Variants in ELAVL4 observed in about 807,000 individuals in gnomAD.
ELAVL4 encodes ELAV-like protein 4.
In ELAVL4, 1 loss-of-function variant was observed where a neutral mutation model predicts 35.6. That is an observed-to-expected ratio of 0.03 (90% CI 0.01 to 0.13). The LOEUF (loss-of-function observed/expected upper bound fraction) is 0.13. ELAVL4 is among the 10% of genes least tolerant of loss of function. The pLI is 1.00. For missense variants in ELAVL4, 267 were observed against 464.9 expected, an observed-to-expected ratio of 0.57 and a Z score of 3.91; for synonymous variants, 156 against 171.0, an observed-to-expected ratio of 0.91 and a Z score of 0.69.
In ELAVL4 at chr1:50,156,869, A is replaced by T. The variant is rs567733732; in HGVS notation, c.250+11672A>T. ...TGAATGTGGCTGTACATTGTATTCC[A>T]GTAAACCTCAGGAATAGCTGCAGAA... is the stretch of plus-strand genomic sequence containing the variant. On this transcript the variant is annotated intron_variant, in intron 2 of 6. Transcript: ENST00000371824. 1.4e-3 allele frequency among the ~76,000 whole-genome samples: 212 copies of T among 152,326 alleles called. 1 individual carries two copies. In the Middle Eastern group the frequency reaches 0.017, roughly 12 times the overall value.
chr1:50,104,310 G>T (rs1666145541), upstream of ELAVL4, among the ~76,000 whole-genome samples: 1 of 152,090 alleles, frequency 6.6e-6, no homozygotes, highest in Non-Finnish European at 1.5e-5. Flanking sequence ...TATTTACTAG[G>T]CTGATTACAT....
intron 1 of ELAVL4, among the ~76,000 whole-genome samples, chr1:50,132,075 A>G (rs1383754193): frequency 6.6e-6 from 1 of 152,088 alleles, no homozygotes; most frequent in Non-Finnish European, 1.5e-5. Context: ...GTATTCCGAT[A>G]CTTGTGATTT....
intron 2 of ELAVL4, among the ~76,000 whole-genome samples, chr1:50,159,108 T>C (rs1676293979): frequency 6.6e-6 from 1 of 151,986 alleles, no homozygotes; most frequent in Non-Finnish European, 1.5e-5. Flanking sequence ...AGGATTGTTA[T>C]TTCAGGAACT....
At chr1:50,089,855 G>A (rs1329190120) in intron 1 of ELAVL4, among the ~76,000 whole-genome samples, 1 of 152,204 alleles carries the variant, frequency 6.6e-6, no homozygotes, top group African/African-American at 2.4e-5. Flanking sequence ...ATACCATCAG[G>A]GGTGGGAAGG....
chr1:50,198,561 A>G (rs1644204033), intron 6 of ELAVL4, among the ~76,000 whole-genome samples: 1 of 152,210 alleles, frequency 6.6e-6, no homozygotes. Context: ...CAATCCCAGC[A>G]TCAATGAGGA....
At chr1:50,155,883 C>G (rs965219840) in intron 2 of ELAVL4, among the ~76,000 whole-genome samples, 2 of 152,204 alleles carry the variant, frequency 1.3e-5, no homozygotes, top group Non-Finnish European at 2.9e-5. Flanking sequence ...ACCACCTTTG[C>G]TCTTCCCAGT....
At chr1:50,048,121 C>T in exon 1 of ELAVL4, 1 of 1,500,370 alleles carries the variant, frequency 6.7e-7, no homozygotes, top group South Asian at 1.3e-5. Context: ...CGCTCCGCCC[C>T]ACCCAGCCTC....
At chr1:50,188,177 T>C (rs941302236) in intron 3 of ELAVL4, among the ~76,000 whole-genome samples, 7 of 152,184 alleles carry the variant, frequency 4.6e-5, no homozygotes, top group Non-Finnish European at 1.0e-4. Flanking sequence ...AATGTATACA[T>C]TGAATGGTCG....
At chr1:50,161,322 G>A (rs976936993) in intron 2 of ELAVL4, among the ~76,000 whole-genome samples, 2 of 151,838 alleles carry the variant, frequency 1.3e-5, no homozygotes, top group African/African-American at 4.8e-5. Flanking sequence ...AGAATATTCT[G>A]AACATAATTT....
intron 1 of ELAVL4, among the ~76,000 whole-genome samples, chr1:50,127,002 C>T (rs938730081): frequency 6.6e-6 from 1 of 151,944 alleles, no homozygotes; most frequent in Admixed American, 6.6e-5. Context: ...TTGATGGCTA[C>T]ACTCATCTAA....
At chr1:50,114,295 A>G (rs1196922145) in intron 1 of ELAVL4, among the ~76,000 whole-genome samples, 1 of 152,066 alleles carries the variant, frequency 6.6e-6, no homozygotes, top group Non-Finnish European at 1.5e-5. Context: ...AGTCTTTACC[A>G]TTGGTAAAAA....
At chr1:50,093,156 A>C (rs944292737) in intron 1 of ELAVL4, among the ~76,000 whole-genome samples, 17 of 152,204 alleles carry the variant, frequency 1.1e-4, no homozygotes, top group Non-Finnish European at 2.4e-4. Flanking sequence ...AGACAGAGAG[A>C]GAATAGCTTG....
upstream of ELAVL4, chr1:50,104,052 G>A: frequency 6.2e-7 from 1 of 1,601,854 alleles, no homozygotes. Context: ...ACCGTCAATG[G>A]GTGGTATTGA....
intron 3 of ELAVL4, among the ~76,000 whole-genome samples, chr1:50,191,030 A>G (rs1358425422): frequency 6.6e-6 from 1 of 152,164 alleles, no homozygotes; most frequent in Non-Finnish European, 1.5e-5. Context: ...AGTCACACTC[A>G]TATGTATCCC....
intron 1 of ELAVL4, among the ~76,000 whole-genome samples, chr1:50,096,955 C>T (rs1280042256): frequency 6.6e-6 from 1 of 152,174 alleles, no homozygotes; most frequent in Non-Finnish European, 1.5e-5. Flanking sequence ...GTGGTGCATG[C>T]CTGTAATCCC....
chr1:50,084,336 TAA>T (rs1442991073), intron 1 of ELAVL4, among the ~76,000 whole-genome samples: 4 of 152,320 alleles, frequency 2.6e-5, no homozygotes, highest in Non-Finnish European at 5.9e-5. Context: ...TTAGAAAGGT[TAA>T]ATAATTGTCC....
chr1:50,142,888 A>T (rs1226530527), intron 1 of ELAVL4, among the ~76,000 whole-genome samples: 3 of 152,212 alleles, frequency 2.0e-5, no homozygotes, highest in Admixed American at 1.3e-4. Flanking sequence ...CAGATAAATA[A>T]AATGTAATAT....
At chr1:50,096,672 T>C (rs1278474242) in intron 1 of ELAVL4, among the ~76,000 whole-genome samples, 5 of 152,080 alleles carry the variant, frequency 3.3e-5, no homozygotes, top group African/African-American at 9.7e-5. Flanking sequence ...AAAAACAATT[T>C]CATGTTTCAA....
intron 1 of ELAVL4, among the ~76,000 whole-genome samples, chr1:50,093,173 GAAAC>G (rs1477866558): frequency 1.3e-5 from 2 of 152,198 alleles, no homozygotes; most frequent in African/African-American, 4.8e-5. Context: ...CTTGGGCAAA[GAAAC>G]ATACATAGGT....
Sources: gnomAD v4.1 joint callset for allele counts (sites outside exome capture counted in the v4.1 genomes callset) on GRCh38, gnomAD v4.1.1 for gene constraint, MANE v1.5 for transcripts, NCBI Gene and HGNC (gene_info 2026-07-23, HGNC 2026-07-21) for gene names.